Variants in TMEM135 observed in about 807,000 individuals in gnomAD.
The protein encoded by TMEM135 is peroxisomal membrane protein 52.
Under a neutral mutation model 60.3 loss-of-function variants are expected in TMEM135, and 30 were observed. The observed-to-expected ratio is 0.50, with a 90% CI of 0.37 to 0.68. The LOEUF is 0.68. TMEM135 is among the 30% of genes least tolerant of loss of function. TMEM135 has a pLI of 0.00. For missense variants in TMEM135, 468 were observed against 548.8 expected, an observed-to-expected ratio of 0.85 and a Z score of 1.47; for synonymous variants, 190 against 186.7, an observed-to-expected ratio of 1.02 and a Z score of -0.14.
chr11:87,220,336 T>TA (rs1940590645), intron 5 of TMEM135, among the ~76,000 whole-genome samples: 1 of 152,214 alleles, frequency 6.6e-6, no homozygotes, highest in Non-Finnish European at 1.5e-5. Flanking sequence ...CCAAGTCCTA[T>TA]ATTTAACACA....
At chr11:87,248,116 T>C (rs1412613903) in intron 6 of TMEM135, among the ~76,000 whole-genome samples, 1 of 152,238 alleles carries the variant, frequency 6.6e-6, no homozygotes, top group Non-Finnish European at 1.5e-5. Context: ...GGAACTTATA[T>C]TGCTTGCAAA....
intron 6 of TMEM135, among the ~76,000 whole-genome samples, chr11:87,247,808 C>G (rs1476331628): frequency 1.3e-5 from 2 of 152,094 alleles, no homozygotes; most frequent in Non-Finnish European, 2.9e-5. Context: ...TTGTGCTTCC[C>G]AAGTGAGGCA....
chr11:87,316,228 G>A (rs1265819998), intron 12 of TMEM135, among the ~76,000 whole-genome samples: 1 of 151,534 alleles, frequency 6.6e-6, no homozygotes, highest in Non-Finnish European at 1.5e-5. Context: ...TAAGAGTGTA[G>A]ATTTTATTTA....
chr11:87,197,593 G>T (rs1939990164), intron 5 of TMEM135, among the ~76,000 whole-genome samples: 1 of 148,302 alleles, frequency 6.7e-6, no homozygotes, highest in Non-Finnish European at 1.5e-5. Flanking sequence ...TGTTAAAATT[G>T]GTAGTTTTTT....
At chr11:87,130,683 G>T (rs1409321371) in intron 4 of TMEM135, among the ~76,000 whole-genome samples, 3 of 152,036 alleles carry the variant, frequency 2.0e-5, no homozygotes, top group Admixed American at 6.6e-5. Context: ...TTATTTAATT[G>T]TGGAGACTGG....
chr11:87,191,608 G>A, intron 5 of TMEM135, among the ~76,000 whole-genome samples: 1 of 152,122 alleles, frequency 6.6e-6, no homozygotes, highest in East Asian at 1.9e-4. Context: ...ACTACCTTTG[G>A]AAGGAAGAAG....
At chr11:87,090,466 T>C (rs536221829) in intron 3 of TMEM135, among the ~76,000 whole-genome samples, 158 of 152,230 alleles carry the variant, frequency 1.0e-3, no homozygotes, top group Non-Finnish European at 1.8e-3. Context: ...ATAATATTAA[T>C]ATGAAGATTC....
chr11:87,105,355 C>A (rs115080731), intron 4 of TMEM135, among the ~76,000 whole-genome samples: 1 of 152,136 alleles, frequency 6.6e-6, no homozygotes, highest in Non-Finnish European at 1.5e-5. Flanking sequence ...AACCCAATTG[C>A]GAACTGCACA....
intron 4 of TMEM135, among the ~76,000 whole-genome samples, chr11:87,141,097 A>T (rs1370587152): frequency 6.6e-6 from 1 of 150,680 alleles, no homozygotes; most frequent in African/African-American, 2.4e-5. Context: ...CATTTTTAAT[A>T]TAAATTTTAT....
At chr11:87,226,357 A>T (rs1302801696) in intron 5 of TMEM135, among the ~76,000 whole-genome samples, 2 of 152,124 alleles carry the variant, frequency 1.3e-5, no homozygotes, top group Non-Finnish European at 2.9e-5. Context: ...TCTTGTCTTG[A>T]TTGTTATTTG....
At chr11:87,043,312 A>G (rs149642436) in intron 1 of TMEM135, among the ~76,000 whole-genome samples, 6 of 152,168 alleles carry the variant, frequency 3.9e-5, no homozygotes, top group African/African-American at 1.4e-4. Flanking sequence ...ATACGGTAAC[A>G]ATGTATGCAT....
Position 87,276,665 on chromosome 11 carries a change from A to ATTTTTTT in TMEM135, c.510-19102_510-19096dup, listed in dbSNP as rs11340916. ...AAAACTTCTTTTAGTGTGTTTGTGA[A>ATTTTTTT]TTTTTTTTTTTTTTTTTTTTTGAGA... On this transcript the variant is annotated intron_variant, in intron 6 of 14. Transcript: ENST00000305494. 3.6e-4 allele frequency among the ~76,000 whole-genome samples: 42 copies of ATTTTTTT among 115,640 alleles called. 2 individuals are homozygous for ATTTTTTT. Among genetic ancestry groups the ATTTTTTT allele is most frequent in the Non-Finnish European group, 4.9e-4 (29 of 58,802 alleles). The allele number at this position is 115,640 out of a possible 152,430, so 75.9% of individuals were successfully genotyped here. A position where few individuals can be genotyped will look rare whatever the true frequency, so the allele number is the denominator to read the frequency against.
intron 4 of TMEM135, among the ~76,000 whole-genome samples, chr11:87,113,647 T>A (rs1857808318): frequency 6.6e-6 from 1 of 152,054 alleles, no homozygotes; most frequent in Non-Finnish European, 1.5e-5. Flanking sequence ...AATTTTGGTA[T>A]CAGTTTTCAC....
chr11:87,183,265 C>T (rs1312749721), intron 5 of TMEM135, among the ~76,000 whole-genome samples: 3 of 150,988 alleles, frequency 2.0e-5, no homozygotes, highest in Non-Finnish European at 4.4e-5. Context: ...GCCTCAGCCT[C>T]CTGAGTAGTT....
At chr11:87,135,073 T>A (rs1054857268) in intron 4 of TMEM135, among the ~76,000 whole-genome samples, 1 of 152,194 alleles carries the variant, frequency 6.6e-6, no homozygotes, top group Admixed American at 6.5e-5. Flanking sequence ...TTGCATATTT[T>A]AAAATTGGAT....
At chr11:87,151,065 G>A (rs1463001337) in intron 4 of TMEM135, among the ~76,000 whole-genome samples, 6 of 151,942 alleles carry the variant, frequency 3.9e-5, no homozygotes, top group Admixed American at 6.6e-5. Context: ...GAGTAGTCCC[G>A]GGTTGTTTTG....
chr11:87,119,110 G>A (rs1273129745), intron 4 of TMEM135, among the ~76,000 whole-genome samples: 1 of 152,148 alleles, frequency 6.6e-6, no homozygotes, highest in Admixed American at 6.5e-5. Flanking sequence ...CCTAGCTCTG[G>A]CCTATCTTGG....
rs1941006486 is a variant in TMEM135, at chr11:87,236,797, C to T, written c.509+113C>T. On this transcript the variant is annotated intron_variant, in intron 6 of 14. Coordinates refer to ENST00000305494, the MANE Select transcript of TMEM135 (RefSeq NM_022918.4). ...ATAATTATCCCTTACAAGCAGCATA[C>T]TCCCCCCGCACCCCCGCCCAGAGTG... The T allele has an allele frequency of 9.6e-6, 10 of 1,040,374 alleles. No homozygotes were observed. In the East Asian group the frequency reaches 1.9e-4, roughly 20 times the overall value. The allele number at this position is 1,040,374 out of a possible 1,614,324, so 64.4% of individuals were successfully genotyped here.
intron 5 of TMEM135, among the ~76,000 whole-genome samples, chr11:87,174,974 T>C (rs1409811685): frequency 1.3e-5 from 2 of 152,154 alleles, no homozygotes; most frequent in Non-Finnish European, 2.9e-5. Context: ...CTGAAGCCAC[T>C]GGTCATCACT....
Sources: allele counts gnomAD v4.1 joint callset (sites outside exome capture counted in the v4.1 genomes callset), GRCh38; gene constraint gnomAD v4.1.1; transcripts MANE v1.5; gene names NCBI Gene and HGNC (gene_info 2026-07-23, HGNC 2026-07-21).